Variants in DNAAF1 observed in about 807,000 individuals in gnomAD.
DNAAF1 encodes the protein dynein axonemal assembly factor 1.
A neutral mutation model predicts 71.1 loss-of-function variants in DNAAF1; 65 were observed. The ratio of observed to expected loss-of-function variants is 0.91; its 90% confidence interval spans 0.75 to 1.12. DNAAF1 has a LOEUF of 1.12. Among genes scored for constraint, DNAAF1 ranks in the 50% most tolerant of loss-of-function variants. The pLI is 0.00. For synonymous variants in DNAAF1, 414 were observed against 354.6 expected (o/e 1.17, Z -1.88); for missense variants, 1,178 against 899.8 (o/e 1.31, Z -3.96).
At chr16:84,172,788 C>A (rs2088436206) in intron 9 of DNAAF1, 1 of 1,075,440 alleles carries the variant, frequency 9.3e-7, no homozygotes, top group Non-Finnish European at 1.1e-6. Context: ...TGTATCTTTT[C>A]CCCCCTCCGT....
chr16:84,163,858 A>C (rs993705794), intron 6 of DNAAF1, among the ~76,000 whole-genome samples: 4 of 141,478 alleles, frequency 2.8e-5, no homozygotes, highest in African/African-American at 7.9e-5. Flanking sequence ...AAATTAATAG[A>C]CTTTTTTTTT....
chr16:84,151,339 G>A (rs528312570), intron 3 of DNAAF1, among the ~76,000 whole-genome samples: 19 of 152,202 alleles, frequency 1.2e-4, no homozygotes, highest in African/African-American at 2.6e-4. Flanking sequence ...CCAGGGAGAC[G>A]CCCAAAGGGA....
At chr16:84,176,387 C>G in intron 11 of DNAAF1, 88 bp downstream of exon 11, 2 of 1,590,566 alleles carry the variant, frequency 1.3e-6, no homozygotes, top group Non-Finnish European at 1.7e-6. Context: ...TCAGCCTTAC[C>G]CTGAGCTTTC....
chr16:84,154,499 T>C, intron 3 of DNAAF1, 78 bp from the exon 4 acceptor site: 4 of 1,261,080 alleles, frequency 3.2e-6, no homozygotes, highest in Admixed American at 3.6e-5. Context: ...TTCCTAATAG[T>C]AGGCAAAAAC....
chr16:84,155,959 C>G (rs929748831), intron 5 of DNAAF1, among the ~76,000 whole-genome samples: 1 of 151,958 alleles, frequency 6.6e-6, no homozygotes, highest in Non-Finnish European at 1.5e-5. Context: ...GTGCCTCTAA[C>G]AGATAAGGAC....
chr16:84,177,373 T>G, intron 11 of DNAAF1: 1 of 354,058 alleles, frequency 2.8e-6, no homozygotes, highest in Non-Finnish European at 5.6e-6. Context: ...CCTCCTAGGT[T>G]CAAGCAATTC....
chr16:84,148,596 C>CTCTCTCTTTTTTTTTTTTTT, intron 1 of DNAAF1, among the ~76,000 whole-genome samples: 4 of 43,576 alleles, frequency 9.2e-5, no homozygotes, highest in African/African-American at 1.8e-4. Context: ...CTCTCTCTCT[C>CTCTCTCTTTTTTTTTTTTTT]TTTTTTTTTT....
At chr16:84,164,950 G>A (rs2087894293) in intron 6 of DNAAF1, among the ~76,000 whole-genome samples, 1 of 152,064 alleles carries the variant, frequency 6.6e-6, no homozygotes, top group Admixed American at 6.6e-5. Flanking sequence ...TTGGATTTTA[G>A]CCATCTTGTA....
rs796649052 is a variant in DNAAF1 at position 84,150,414 on chromosome 16, G to A, written c.352+72G>A. ...TGTCTAGCGGTATAAAAAATTACTT[G>A]CAGGGATCACCTTTAGTTCTCAGAA... On this transcript the variant is annotated intron_variant, in intron 3 of 11. Transcript: ENST00000378553. 25 of 1,183,670 alleles carry A rather than the reference G, an allele frequency of 2.1e-5. No individual in the cohort carries two copies. The African/African-American group carries it at 3.0e-4, about 14-fold the overall frequency. 73.3% of individuals were successfully genotyped at this position (1,183,670 alleles called of 1,614,324 possible). A position where few individuals can be genotyped will look rare whatever the true frequency, so the allele number is the denominator to read the frequency against.
rs373103805 is a variant in DNAAF1, at chr16:84,159,698, C to T, written c.765C>T (p.Asn255=). 5.6e-6 allele frequency: 9 copies of T among 1,613,454 alleles called. No individual in the cohort carries two copies. The Admixed American group carries it at 6.7e-5, about 12-fold the overall frequency. Residue 255 remains asparagine, a synonymous_variant, in exon 6 of 12, where the codon AAC becomes AAT. Coordinates refer to ENST00000378553, the MANE Select transcript of DNAAF1 (RefSeq NM_178452.6). ...PDLRVLNLMG[N]PVIRQIPNYR... ...AGCGTGTACTGAATTTGATGGGAAA[C>T]CCGGTTATCAGACAGATTCCTAATT...
chr16:84,177,127 G>A (rs902505703), intron 11 of DNAAF1: 4 of 177,460 alleles, frequency 2.3e-5, no homozygotes, highest in Non-Finnish European at 3.7e-5. Flanking sequence ...CAGACTTGCA[G>A]GCAGGAAGCA....
intron 5 of DNAAF1, chr16:84,159,001 G>A: frequency 1.0e-6 from 1 of 985,962 alleles, no homozygotes; most frequent in Non-Finnish European, 1.2e-6. Context: ...AAAGTGCTGA[G>A]ATTACAGGAG....
At chr16:84,155,440 G>C (rs186620366) in intron 4 of DNAAF1, 143 bp from the exon 5 acceptor site, 21 of 912,796 alleles carry the variant, frequency 2.3e-5, no homozygotes, top group Admixed American at 5.5e-5. Context: ...TGTTGCCCAG[G>C]CTGGTCTCAA....
chr16:84,153,679 T>C (rs921872599), intron 3 of DNAAF1, among the ~76,000 whole-genome samples: 20 of 152,262 alleles, frequency 1.3e-4, no homozygotes, highest in African/African-American at 4.6e-4. Context: ...GTGTTGGTAA[T>C]AGTAGGTCAA....
In DNAAF1 at chr16:84,175,930, T is replaced by C. The variant is rs1177142525; in HGVS notation, c.1699-3T>C. The C allele has an allele frequency of 2.5e-6, 4 of 1,613,936 alleles. No individual in the cohort carries two copies. Among genetic ancestry groups the C allele is most frequent in the African/African-American group, 1.3e-5 (1 of 74,906 alleles). On this transcript the variant is annotated splice_region_variant and splice_polypyrimidine_tract_variant and intron_variant, in intron 10 of 11. Coordinates refer to ENST00000378553, the MANE Select transcript of DNAAF1 (RefSeq NM_178452.6). ...TTTCAGACACCTTTTCTTCTGTAAA[T>C]AGAATATGTGCTTTCCGAAGATTGA...
intron 2 of DNAAF1, 132 bp downstream of exon 2, chr16:84,149,274 A>G (rs1054890026): frequency 2.0e-5 from 24 of 1,187,176 alleles, no homozygotes; most frequent in Non-Finnish European, 2.8e-5. Context: ...GAATGGAGTG[A>G]GGATGGCACT....
In DNAAF1 at chr16:84,177,763, G is replaced by A. The variant is rs1312676785; in HGVS notation, c.2100G>A (p.Thr700=). The A allele has an allele frequency of 7.4e-6, 12 of 1,613,858 alleles. No individual in the cohort carries two copies. The highest frequency in any genetic ancestry group is 1.7e-5 in the Admixed American group (1 of 60,008). Residue 700 remains threonine (T), a synonymous_variant, in exon 12 of 12, where the codon ACG becomes ACA. Coordinates refer to ENST00000378553, the MANE Select transcript of DNAAF1 (RefSeq NM_178452.6). ...AGAGCGCCGCCACACCCCCAGAGAC[G>A]TGTGTCGGAGTTGCCCAGCCCAGCC... ...PTESAATPPE[T]CVGVAQPSQA...
chr16:84,157,352 A>G (rs997528329), intron 5 of DNAAF1, among the ~76,000 whole-genome samples: 2 of 151,806 alleles, frequency 1.3e-5, no homozygotes, highest in African/African-American at 2.4e-5. Context: ...GCAAAACCCC[A>G]TCTCTACTAA....
At chr16:84,174,405 G>GA (rs2088544514) in intron 9 of DNAAF1, 18 of 1,367,540 alleles carry the variant, frequency 1.3e-5, no homozygotes, top group Admixed American at 6.2e-5. Context: ...TAAAAAAGCA[G>GA]AAAAAAGATG....
Sources: gnomAD v4.1 joint callset for allele counts (sites outside exome capture counted in the v4.1 genomes callset) on GRCh38, gnomAD v4.1.1 for gene constraint, MANE v1.5 for transcripts, NCBI Gene and HGNC (gene_info 2026-07-23, HGNC 2026-07-21) for gene names.